Variants in TPR observed in about 807,000 individuals in gnomAD.
TPR encodes the protein translocated promoter region, nuclear basket protein, also known as nucleoprotein TPR.
TPR carries 51 observed loss-of-function variants against 316.1 expected under a neutral mutation model. The observed-to-expected ratio is 0.16, with a 90% CI of 0.13 to 0.20. The LOEUF is 0.20. Ranked by LOEUF, TPR falls within the 10% of genes least tolerant of loss-of-function variation. The pLI is 1.00. For missense variants in TPR, 2,272 were observed against 2,754.8 expected (o/e 0.82, Z 3.92); for synonymous variants, 981 against 914.7 (o/e 1.07, Z -1.31).
intron 4 of TPR, among the ~76,000 whole-genome samples, chr1:186,367,493 T>C (rs1355340096): frequency 6.6e-6 from 1 of 152,232 alleles, no homozygotes; most frequent in African/African-American, 2.4e-5. Flanking sequence ...TTTATAAATA[T>C]AGGCTGAGTA....
Position 186,352,110 on chromosome 1 carries a change from C to T in TPR, c.2335G>A (p.Val779Ile), listed in dbSNP as rs61744267. Residue 779 changes from valine to isoleucine, a missense_variant and splice_region_variant, in exon 19 of 51, where the codon GTA (valine) becomes ATA (isoleucine). Val to Ile is a conservative substitution (Grantham distance 29, BLOSUM62 3). This residue lies in a region of TPR where 757 missense variants were observed against 859.8 expected (regional missense o/e 0.88). Coordinates refer to ENST00000367478, the MANE Select transcript of TPR (RefSeq NM_003292.3). ...GANEKLAVAE[V>I]RAENLKKEKE... ...TCCTTCTTCAAATTTTCTGCTCTTA[C>T]CTAAACATAAGTAGAAATGAAATAA... The T allele has an allele frequency of 0.16, 254,351 of 1,590,948 alleles. 22,300 individuals are homozygous for T. Among genetic ancestry groups the T allele is most frequent in the Non-Finnish European group, 0.18 (212,826 of 1,172,474 alleles).
At chr1:186,335,001 A>C in intron 35 of TPR, 67 bp downstream of exon 35, 1 of 1,495,116 alleles carries the variant, frequency 6.7e-7, no homozygotes, top group Non-Finnish European at 9.1e-7. Context: ...TCCTAAACAG[A>C]AAGATCACTA....
chr1:186,374,941 C>A lies in TPR; in HGVS notation c.88G>T (p.Ala30Ser). 1.2e-6 allele frequency: 2 copies of A among 1,611,292 alleles called. No individual in the cohort carries two copies. Among genetic ancestry groups the A allele is most frequent in the Non-Finnish European group, 1.7e-6 (2 of 1,177,690 alleles). ...SVQNKLEKFLADQQSEIDGLK... is the reference protein window; with the variant it reads ...SVQNKLEKFLSDQQSEIDGLK... ...CCATCGATCTCGGATTGCTGATCAGCAAGGAACTTTTCAAGTTTGTTCTGG... is the reference window on the plus strand; with the variant it reads ...CCATCGATCTCGGATTGCTGATCAGAAAGGAACTTTTCAAGTTTGTTCTGG... Residue 30 changes from alanine (A) to serine (S), a missense_variant, in exon 1 of 51, where the codon GCT (alanine) becomes TCT (serine). Physicochemically the swap from Ala to Ser is moderately conservative, Grantham distance 99. This residue lies in a region of TPR where 549 missense variants were observed against 598.6 expected (regional missense o/e 0.92). Transcript: ENST00000367478.
chr1:186,367,681 C>A (rs888375858), intron 4 of TPR, among the ~76,000 whole-genome samples: 2 of 152,184 alleles, frequency 1.3e-5, no homozygotes, highest in African/African-American at 4.8e-5. Context: ...AGATGTTCTT[C>A]ACTTGTGCAC....
Position 186,338,252 on chromosome 1 carries a change from A to T in TPR, c.4152-9T>A, listed in dbSNP as rs1658398614. 6.3e-7 allele frequency: 1 copy of T among 1,589,520 alleles called. No homozygotes were observed. The highest frequency in any genetic ancestry group is 2.2e-5 in the East Asian group (1 of 44,560). ...TCAAAGATGCATTTGATCTTTAAAAAATGGAGGAAAGAAGAAAGATTAAAT... is the reference window on the plus strand; with the variant it reads ...TCAAAGATGCATTTGATCTTTAAAATATGGAGGAAAGAAGAAAGATTAAAT... On this transcript the variant is annotated splice_polypyrimidine_tract_variant and intron_variant, in intron 30 of 50. Transcript: ENST00000367478.
intron 27 of TPR, chr1:186,341,781 T>C (rs1260029790): frequency 1.9e-5 from 3 of 159,968 alleles, no homozygotes; most frequent in African/African-American, 7.2e-5. Flanking sequence ...TGATCCATTG[T>C]TTCATCACTT....
intron 28 of TPR, 31 bp downstream of exon 28, chr1:186,341,221 T>G (rs1007804960): frequency 5.0e-6 from 8 of 1,613,358 alleles, no homozygotes; most frequent in South Asian, 1.1e-5. Flanking sequence ...AAAAACAACA[T>G]GCTTCCACTC....
At position 186,358,574 on chromosome 1, in the gene TPR, A is replaced by G. The variant is rs1659093741; in HGVS notation, c.1466T>C (p.Met489Thr). The change falls in exon 13 of 51, where the codon ATG becomes ACG. Residue 489 changes from methionine (M) to threonine (T), a missense_variant. By Grantham distance (81) the Met-to-Thr change is moderately conservative. Around this residue, in one of 10 missense-constraint regions of TPR, gnomAD observed 549 missense variants for 598.6 expected, o/e 0.92. Coordinates refer to ENST00000367478, the MANE Select transcript of TPR (RefSeq NM_003292.3). ...TGAAAGATCTTTTACTTGTATTTCC[A>G]TTCTTCGATTATCTCTCTCAAGTAC... is the stretch of plus-strand genomic sequence containing the variant. ...SSVLERDNRR[M>T]EIQVKDLSQQ... 2.5e-6 allele frequency: 4 copies of G among 1,611,190 alleles called. No homozygotes were observed. In the East Asian group the frequency reaches 6.7e-5, roughly 27 times the overall value.
At position 186,333,336 on chromosome 1, in the gene TPR, G is replaced by T; in HGVS notation, c.5241C>A (p.Ser1747=). 2 of 1,613,554 alleles carry T rather than the reference G, an allele frequency of 1.2e-6. No homozygotes were observed. The highest frequency in any genetic ancestry group is 2.2e-5 in the East Asian group (1 of 44,870). ...GGACATTAGGACTAGTAGAACGAAC[G>T]GATCCACTTGTGCTTCCAAAAACTG... The part of the protein sequence containing the change: ...HVPVFGSTSG[S]VRSTSPNVQP... Residue 1747 remains serine (S), a synonymous_variant, in exon 37 of 51, where the codon TCC becomes TCA. Transcript: ENST00000367478.
chr1:186,322,441 C>G (rs1467827386), intron 44 of TPR, 29 bp from the exon 45 acceptor site: 2 of 1,611,270 alleles, frequency 1.2e-6, no homozygotes, highest in African/African-American at 2.7e-5. Context: ...AGTTAACAAA[C>G]AAAACACCAC....
rs745507322 is a variant in TPR, at chr1:186,313,671, T to C, written c.*300A>G. ...TTTTTAACTAAAAAAATGTTTTCTC[T>C]TCCATTTAGATCAATACTATAACAT... On this transcript the variant is annotated 3_prime_UTR_variant, in exon 51 of 51. Transcript: ENST00000367478. The C allele has an allele frequency of 9.7e-6, 15 of 1,541,670 alleles. 1 individual carries two copies. The highest frequency in any genetic ancestry group is 1.7e-4 in the Middle Eastern group (1 of 5,950).
intron 17 of TPR, among the ~76,000 whole-genome samples, chr1:186,354,620 A>G (rs930738235): frequency 6.6e-6 from 1 of 152,212 alleles, no homozygotes; most frequent in African/African-American, 2.4e-5. Context: ...AAAAATAAAT[A>G]TTGTCCTAAC....
rs1658821588 is a variant in TPR at position 186,350,307 on chromosome 1, G to C, written c.2692C>G (p.Gln898Glu). The C allele has an allele frequency of 1.9e-6, 3 of 1,613,478 alleles. No homozygotes were observed. Among genetic ancestry groups the C allele is most frequent in the Non-Finnish European group, 2.5e-6 (3 of 1,179,756 alleles). ...LNTKELLKNA[Q>E]KEIATLKQHL... ...TGTTTCAATGTGGCAATTTCTTTTT[G>C]AGCATTTTTTAATAGTTCTTTTGTG... Residue 898 changes from glutamine to glutamate, a missense_variant, in exon 21 of 51, where the codon CAA becomes GAA. This residue lies in a region of TPR where 757 missense variants were observed against 859.8 expected (regional missense o/e 0.88). Coordinates refer to ENST00000367478, the MANE Select transcript of TPR (RefSeq NM_003292.3).
At chr1:186,327,885 C>A (rs150814356) in intron 39 of TPR, among the ~76,000 whole-genome samples, 3 of 151,890 alleles carry the variant, frequency 2.0e-5, no homozygotes, top group East Asian at 1.9e-4. Flanking sequence ...TGGGTTCAAG[C>A]GACTCTCCTG....
At chr1:186,352,391 T>C (rs1658887513) in intron 18 of TPR, among the ~76,000 whole-genome samples, 1 of 152,158 alleles carries the variant, frequency 6.6e-6, no homozygotes, top group Non-Finnish European at 1.5e-5. Flanking sequence ...AAAAATTTAA[T>C]ATGTGAGAAG....
intron 36 of TPR, 89 bp downstream of exon 36, chr1:186,334,236 G>A (rs1374902722): frequency 7.6e-7 from 1 of 1,310,588 alleles, no homozygotes; most frequent in South Asian, 1.6e-5. Flanking sequence ...CAGCTGTAGT[G>A]GATGCTTCAT....
intron 13 of TPR, 21 bp from the exon 14 acceptor site, chr1:186,357,644 T>A (rs376576205): frequency 5.7e-6 from 9 of 1,592,178 alleles, no homozygotes; most frequent in Non-Finnish European, 7.7e-6. Context: ...AGTTTTAATA[T>A]GTTATAAAAT....
intron 42 of TPR, 77 bp downstream of exon 42, chr1:186,325,686 TA>T: frequency 8.9e-7 from 1 of 1,118,982 alleles, no homozygotes; most frequent in Non-Finnish European, 1.3e-6. Context: ...AATAAATTTA[TA>T]TATTAGAATT....
At chr1:186,357,355 C>T in intron 14 of TPR, 42 bp downstream of exon 14, 1 of 1,598,022 alleles carries the variant, frequency 6.3e-7, no homozygotes, top group Non-Finnish European at 8.6e-7. Flanking sequence ...CTGAGGTTTT[C>T]ATAAATGTTT....
Sources: allele counts gnomAD v4.1 joint callset (sites outside exome capture counted in the v4.1 genomes callset), GRCh38; gene constraint gnomAD v4.1.1; regional missense constraint gnomAD v4.1.1; transcripts MANE v1.5; gene names NCBI Gene and HGNC (gene_info 2026-07-23, HGNC 2026-07-21).